The following TRPC6 variants were observed in gnomAD, a reference collection of about 807,000 sequenced individuals.
TRPC6 encodes the protein transient receptor potential cation channel subfamily C member 6, also known as short transient receptor potential channel 6.
Under a neutral mutation model 90.7 loss-of-function variants are expected in TRPC6, and 55 were observed. The observed-to-expected ratio is 0.61, with a 90% CI of 0.49 to 0.76. The LOEUF (loss-of-function observed/expected upper bound fraction) is 0.76. TRPC6 is among the 30% of genes least tolerant of loss of function. The pLI is 0.00. For synonymous variants in TRPC6, 393 were observed against 393.0 expected (o/e 1.00, Z 0.00); for missense variants, 989 against 1,122.7 (o/e 0.88, Z 1.70).
At position 101,583,615 on chromosome 11, in the gene TRPC6, G is replaced by T; in HGVS notation, c.-112C>A. 1 of 1,217,464 alleles carries T rather than the reference G, an allele frequency of 8.2e-7. No homozygotes were observed. Among genetic ancestry groups the T allele is most frequent in the Non-Finnish European group, 1.1e-6 (1 of 927,088 alleles). 75.4% of individuals were successfully genotyped at this position (1,217,464 alleles called of 1,614,324 possible). A position where few individuals can be genotyped will look rare whatever the true frequency, so the allele number is the denominator to read the frequency against. ...TCAGCGGCCGAACTGGACCTGGGCA[G>T]ACCGGTGCCCAGGGGACGACGGTGA... On this transcript the variant is annotated 5_prime_UTR_variant, in exon 1 of 13. In the 5' UTR this introduces an upstream ATG that the reference lacks. Transcript: ENST00000344327.
chr11:101,539,038 A>C (rs1479970653), intron 1 of TRPC6, among the ~76,000 whole-genome samples: 1 of 152,240 alleles, frequency 6.6e-6, no homozygotes, highest in African/African-American at 2.4e-5. Context: ...TAACCTGCAG[A>C]ACCGTGAGAA....
intron 1 of TRPC6, among the ~76,000 whole-genome samples, chr11:101,554,883 A>C (rs1861526654): frequency 6.6e-6 from 1 of 151,894 alleles, no homozygotes; most frequent in Non-Finnish European, 1.5e-5. Flanking sequence ...TAGGCACATC[A>C]CCCGCTTGAC....
chr11:101,549,574 T>C (rs942751054), intron 1 of TRPC6, among the ~76,000 whole-genome samples: 2 of 151,232 alleles, frequency 1.3e-5, no homozygotes, highest in Non-Finnish European at 3.0e-5. Flanking sequence ...CAATAAAAAG[T>C]GGCAGAGAGA....
intron 2 of TRPC6, among the ~76,000 whole-genome samples, chr11:101,492,293 G>C (rs1042704039): frequency 2.0e-5 from 3 of 152,076 alleles, no homozygotes; most frequent in Non-Finnish European, 4.4e-5. Context: ...ATTTAAAAAA[G>C]AGTATGCTGG....
intron 1 of TRPC6, among the ~76,000 whole-genome samples, chr11:101,556,906 C>T (rs1861572856): frequency 6.6e-6 from 1 of 152,148 alleles, no homozygotes; most frequent in Non-Finnish European, 1.5e-5. Context: ...GCTCAACATA[C>T]ACAAATTAAT....
intron 1 of TRPC6, among the ~76,000 whole-genome samples, chr11:101,555,154 A>G (rs550758702): frequency 1.3e-4 from 20 of 152,310 alleles, no homozygotes; most frequent in African/African-American, 4.3e-4. Context: ...TGAAGTGTAC[A>G]TTCACTAGAT....
In TRPC6 at chr11:101,537,019, A is replaced by C. The variant is rs368101965; in HGVS notation, c.171-32221T>G. Among the ~76,000 whole-genome samples, 14 of 152,338 alleles carry C rather than the reference A, an allele frequency of 9.2e-5. 1 individual carries two copies. Among genetic ancestry groups the C allele is most frequent in the Admixed American group, 7.8e-4 (12 of 15,304 alleles). On this transcript the variant is annotated intron_variant, in intron 1 of 12. Transcript: ENST00000344327. ...CAGACTGGCTGTGAGCAAAGAGTTA[A>C]GGATGTAAAAGGTTAAATGTGTTTA...
At chr11:101,524,999 A>C (rs1860745315) in intron 1 of TRPC6, among the ~76,000 whole-genome samples, 1 of 152,250 alleles carries the variant, frequency 6.6e-6, no homozygotes, top group South Asian at 2.1e-4. Flanking sequence ...GCCTCACTTA[A>C]AATAGCCTTT....
intron 12 of TRPC6, 46 bp from the exon 13 acceptor site, chr11:101,453,152 C>T (rs778772909): frequency 1.7e-5 from 26 of 1,573,676 alleles, no homozygotes; most frequent in South Asian, 1.1e-4. Flanking sequence ...ATACGCAATG[C>T]GGAAAAACTA....
chr11:101,453,161 T>A, intron 12 of TRPC6, 55 bp from the exon 13 acceptor site: 1 of 1,540,424 alleles, frequency 6.5e-7, no homozygotes, highest in Non-Finnish European at 9.0e-7. Context: ...GCGGAAAAAC[T>A]AGTGACTGTG....
At chr11:101,546,605 C>G (rs940348783) in intron 1 of TRPC6, among the ~76,000 whole-genome samples, 1 of 152,040 alleles carries the variant, frequency 6.6e-6, no homozygotes, top group African/African-American at 2.4e-5. Context: ...TTTTCATGTA[C>G]AAGGTGGGAA....
intron 1 of TRPC6, among the ~76,000 whole-genome samples, chr11:101,521,328 C>T (rs1284073574): frequency 6.6e-6 from 1 of 152,182 alleles, no homozygotes. Context: ...GGATGCTGCT[C>T]CAGAGGGTGC....
intron 1 of TRPC6, among the ~76,000 whole-genome samples, chr11:101,581,733 T>C (rs1862200541): frequency 6.6e-6 from 1 of 152,190 alleles, no homozygotes; most frequent in Non-Finnish European, 1.5e-5. Context: ...TCTATTCTTG[T>C]TTTTTCTTGT....
intron 2 of TRPC6, among the ~76,000 whole-genome samples, chr11:101,501,947 A>G (rs1367150512): frequency 2.0e-5 from 3 of 152,072 alleles, no homozygotes; most frequent in African/African-American, 7.3e-5. Context: ...TTATGTTTTC[A>G]GTTAGATTTA....
chr11:101,526,919 G>T (rs964645042), intron 1 of TRPC6, among the ~76,000 whole-genome samples: 1 of 134,192 alleles, frequency 7.5e-6, no homozygotes, highest in African/African-American at 2.8e-5. Context: ...TTAGTTCCTG[G>T]ACAATAGAAA....
intron 1 of TRPC6, among the ~76,000 whole-genome samples, chr11:101,531,708 A>G (rs2136799320): frequency 6.6e-6 from 1 of 152,348 alleles, no homozygotes; most frequent in Non-Finnish European, 1.5e-5. Context: ...TAAATATGCA[A>G]GGCCCAAATC....
At chr11:101,475,402 G>A (rs543534396) in intron 6 of TRPC6, among the ~76,000 whole-genome samples, 4 of 151,914 alleles carry the variant, frequency 2.6e-5, no homozygotes, top group Admixed American at 1.3e-4. Flanking sequence ...TCATCACCTC[G>A]AATATTTACA....
chr11:101,480,509 T>G lies in TRPC6; in HGVS notation c.1510+2440A>C, dbSNP rs545637411. 8.5e-5 allele frequency among the ~76,000 whole-genome samples: 13 copies of G among 152,152 alleles called. No individual in the cohort carries two copies. In the South Asian group the frequency reaches 2.7e-3, roughly 31 times the overall value. ...TATATATAAAATATAATATGTTCAT[T>G]TTATTCTTTACCATAAATCATTCTC... is the stretch of plus-strand genomic sequence containing the variant. On this transcript the variant is annotated intron_variant, in intron 5 of 12. Transcript: ENST00000344327.
intron 1 of TRPC6, among the ~76,000 whole-genome samples, chr11:101,560,391 A>T (rs10219300): frequency 1.3e-5 from 2 of 151,914 alleles, no homozygotes; most frequent in African/African-American, 4.8e-5. Flanking sequence ...ATTTTATGTA[A>T]GGCTGCTCTC....
Sources: gnomAD v4.1 joint callset for allele counts (sites outside exome capture counted in the v4.1 genomes callset) on GRCh38, gnomAD v4.1.1 for gene constraint, MANE v1.5 for transcripts, NCBI Gene and HGNC (gene_info 2026-07-23, HGNC 2026-07-21) for gene names.